DDX43: variants seen among roughly 807,000 people sequenced by gnomAD.
DDX43 encodes the protein probable ATP-dependent RNA helicase DDX43.
DDX43 carries 50 observed loss-of-function variants against 84.9 expected under a neutral mutation model. The ratio of observed to expected loss-of-function variants is 0.59; its 90% confidence interval spans 0.47 to 0.75. The LOEUF is 0.75. Among genes scored for constraint, DDX43 ranks in the 30% least tolerant of loss-of-function variants. The pLI is 0.00. For synonymous variants in DDX43, 291 were observed against 266.3 expected, an observed-to-expected ratio of 1.09 and a Z score of -0.90; for missense variants, 689 against 798.6, an observed-to-expected ratio of 0.86 and a Z score of 1.65.
intron 5 of DDX43, 109 bp downstream of exon 5, chr6:73,404,880 C>A: frequency 1.2e-6 from 1 of 852,578 alleles, no homozygotes; most frequent in Non-Finnish European, 1.8e-6. Context: ...CTTCAATATT[C>A]AAATGAAAAT....
chr6:73,399,239 G>A (rs1056797141), intron 2 of DDX43, among the ~76,000 whole-genome samples: 2 of 152,160 alleles, frequency 1.3e-5, no homozygotes, highest in African/African-American at 4.8e-5. Context: ...GAGCCACTGC[G>A]CTTGGCTAGA....
chr6:73,396,394 G>A (rs564830115), intron 1 of DDX43, among the ~76,000 whole-genome samples: 1 of 152,288 alleles, frequency 6.6e-6, no homozygotes, highest in East Asian at 1.9e-4. Flanking sequence ...GATGGAGGCT[G>A]CTACAAAATA....
chr6:73,412,590 C>T (rs922584973), intron 11 of DDX43, among the ~76,000 whole-genome samples: 2 of 148,756 alleles, frequency 1.3e-5, no homozygotes, highest in Non-Finnish European at 3.0e-5. Context: ...GGGGTGATCT[C>T]GGCTCACTGC....
At chr6:73,402,124 G>A (rs1769586898) in intron 4 of DDX43, 134 bp downstream of exon 4, 1 of 1,107,504 alleles carries the variant, frequency 9.0e-7, no homozygotes, top group Non-Finnish European at 1.3e-6. Context: ...GCTGCAATTA[G>A]TCCCTAGGTT....
At chr6:73,395,617 TAA>T (rs760280152) in intron 1 of DDX43, among the ~76,000 whole-genome samples, 57 of 133,454 alleles carry the variant, frequency 4.3e-4, no homozygotes, top group Admixed American at 6.7e-4. Context: ...CCGTCTCAAT[TAA>T]AAAAAAAAAA....
chr6:73,402,540 T>C (rs945055444), intron 4 of DDX43, among the ~76,000 whole-genome samples: 7 of 152,200 alleles, frequency 4.6e-5, no homozygotes, highest in African/African-American at 1.7e-4. Flanking sequence ...CCCAAACTGC[T>C]GGGATTACAG....
intron 10 of DDX43, among the ~76,000 whole-genome samples, chr6:73,410,941 C>T (rs1370758236): frequency 3.3e-5 from 5 of 151,850 alleles, no homozygotes; most frequent in Admixed American, 2.0e-4. Flanking sequence ...AATCCCAGCA[C>T]TTTGGGAGGC....
Position 73,397,738 on chromosome 6 carries a change from A to T in DDX43, c.300A>T (p.Thr100=), listed in dbSNP as rs1769500117. 6.2e-7 allele frequency: 1 copy of T among 1,613,724 alleles called. No homozygotes were observed. Among genetic ancestry groups the T allele is most frequent in the Middle Eastern group, 1.6e-4 (1 of 6,084 alleles). The change falls in exon 2 of 17, where the codon ACA becomes ACT. Residue 100 remains threonine, a synonymous_variant. Coordinates refer to ENST00000370336, the MANE Select transcript of DDX43 (RefSeq NM_018665.3). ...ATATACAAAGTACAACAAACACCAC[A>T]ATCCAAGTAAGCCATCTGTGTTTTT... is the stretch of plus-strand genomic sequence containing the variant. ...IKNIQSTTNT[T]IQIIQEQPES... is the part of the protein sequence containing the mutation.
At chr6:73,395,298 C>G in intron 1 of DDX43, 143 bp downstream of exon 1, 1 of 1,104,952 alleles carries the variant, frequency 9.1e-7, no homozygotes, top group South Asian at 1.6e-5. Context: ...TTTGTAAAAC[C>G]TGGGGATAGA....
chr6:73,398,011 C>T (rs367714454), intron 2 of DDX43: 6 of 251,242 alleles, frequency 2.4e-5, no homozygotes, highest in Middle Eastern at 1.3e-3. Context: ...GGGGTTTTAC[C>T]GTGTTGGCCA....
At chr6:73,411,397 C>T (rs1247951572) in intron 10 of DDX43, among the ~76,000 whole-genome samples, 1 of 149,722 alleles carries the variant, frequency 6.7e-6, no homozygotes, top group Non-Finnish European at 1.5e-5. Context: ...GGCATGATCT[C>T]CACTCACTGC....
Position 73,414,050 on chromosome 6 carries a change from G to T in DDX43, c.1577G>T (p.Arg526Leu), listed in dbSNP as rs752552598. The T allele has an allele frequency of 6.2e-7, 1 of 1,607,140 alleles. No individual in the cohort carries two copies. The highest frequency in any genetic ancestry group is 8.5e-7 in the Non-Finnish European group (1 of 1,173,850). The change falls in exon 13 of 17, where the codon CGG (arginine) becomes CTG (leucine). Residue 526 changes from arginine (R) to leucine (L), a missense_variant. Transcript: ENST00000370336. The part of the protein sequence containing the change: ...SLHGDREQRD[R>L]EKALENFKTG... The stretch of plus-strand genomic sequence containing the variant: ...CATGGAGATAGAGAACAGAGAGATC[G>T]GGAGAAAGCATTAGAGAACTTTAAA...
intron 4 of DDX43, among the ~76,000 whole-genome samples, chr6:73,402,289 A>G (rs904973150): frequency 5.9e-5 from 9 of 152,186 alleles, no homozygotes; most frequent in East Asian, 1.9e-4. Context: ...CATGCAAACC[A>G]TAAGTTAACA....
chr6:73,406,321 A>G (rs985221705), intron 6 of DDX43, 43 bp from the exon 7 acceptor site: 8 of 1,471,624 alleles, frequency 5.4e-6, no homozygotes, highest in Non-Finnish European at 7.6e-6. Context: ...TGCGCCCAGC[A>G]AAAGATGTAC....
At chr6:73,400,400 T>G (rs946885235) in intron 3 of DDX43, 37 bp downstream of exon 3, 1 of 1,555,170 alleles carries the variant, frequency 6.4e-7, no homozygotes, top group African/African-American at 1.4e-5. Context: ...CTTTAAAAGT[T>G]TTTAATTTCA....
chr6:73,410,724 C>G (rs1434400965), intron 10 of DDX43, among the ~76,000 whole-genome samples: 1 of 152,128 alleles, frequency 6.6e-6, no homozygotes, highest in Non-Finnish European at 1.5e-5. Flanking sequence ...TTCTGAGTAA[C>G]TGGAACTACA....
Position 73,416,172 on chromosome 6 carries a change from G to A in DDX43, c.1893G>A (p.Arg631=). Residue 631 remains arginine, a synonymous_variant, in exon 16 of 17, where the codon AGG becomes AGA. Transcript: ENST00000370336. ...AERFKAHQQK[R]EMERKMERPQ... Reference sequence around the variant, plus strand: ...GGTTTAAGGCACATCAACAGAAAAGGGAAATGGAAAGAAAAATGGAAAGAC... The same window carrying A: ...GGTTTAAGGCACATCAACAGAAAAGAGAAATGGAAAGAAAAATGGAAAGAC... The A allele has an allele frequency of 6.3e-7, 1 of 1,599,144 alleles. No homozygotes were observed. Among genetic ancestry groups the A allele is most frequent in the African/African-American group, 1.3e-5 (1 of 74,868 alleles).
At chr6:73,396,055 C>T (rs998368974) in intron 1 of DDX43, among the ~76,000 whole-genome samples, 1 of 151,612 alleles carries the variant, frequency 6.6e-6, no homozygotes, top group Non-Finnish European at 1.5e-5. Context: ...TTCCACCTCC[C>T]GGGCTCAAGC....
chr6:73,396,385 A>C (rs1462550114), intron 1 of DDX43, among the ~76,000 whole-genome samples: 1 of 152,228 alleles, frequency 6.6e-6, no homozygotes, highest in Non-Finnish European at 1.5e-5. Flanking sequence ...AAATGAATAG[A>C]TGGAGGCTGC....
Sources: gnomAD v4.1 joint callset for allele counts (sites outside exome capture counted in the v4.1 genomes callset) on GRCh38, gnomAD v4.1.1 for gene constraint, MANE v1.5 for transcripts, NCBI Gene and HGNC (gene_info 2026-07-23, HGNC 2026-07-21) for gene names.